Variants in GLDC observed in about 807,000 individuals in gnomAD.
The protein encoded by GLDC is glycine dehydrogenase (decarboxylating), mitochondrial.
GLDC carries 104 observed loss-of-function variants against 121.3 expected under a neutral mutation model. The ratio of observed to expected loss-of-function variants is 0.86; its 90% CI spans 0.73 to 1.01. The LOEUF (loss-of-function observed/expected upper bound fraction) is 1.01. Ranked by LOEUF, GLDC falls within the 50% of genes least tolerant of loss-of-function variation. GLDC has a pLI of 0.00. For synonymous variants in GLDC, 546 were observed against 480.6 expected (o/e 1.14, Z -1.78); for missense variants, 1,429 against 1,306.6 (o/e 1.09, Z -1.44).
At chr9:6,554,595 A>T in intron 19 of GLDC, 74 bp downstream of exon 19, 1 of 996,370 alleles carries the variant, frequency 1.0e-6, no homozygotes, top group East Asian at 2.5e-5. Flanking sequence ...CTTTGATGGG[A>T]TGAGTAGTCT....
intron 16 of GLDC, among the ~76,000 whole-genome samples, chr9:6,560,143 G>A (rs1281691041): frequency 1.3e-5 from 2 of 152,154 alleles, no homozygotes; most frequent in African/African-American, 4.8e-5. Flanking sequence ...GTGTCCCAGT[G>A]GGAAAGTAAG....
At chr9:6,627,420 T>C (rs187243377) in intron 2 of GLDC, among the ~76,000 whole-genome samples, 127 of 151,946 alleles carry the variant, frequency 8.4e-4, no homozygotes, top group African/African-American at 3.0e-3. Context: ...GATAAATATA[T>C]ACTCTAGTCT....
At chr9:6,553,886 T>G (rs570822790) in intron 19 of GLDC, among the ~76,000 whole-genome samples, 2 of 152,094 alleles carry the variant, frequency 1.3e-5, no homozygotes, top group African/African-American at 4.8e-5. Context: ...TGGGCTGACA[T>G]GAACATCATT....
At chr9:6,578,735 G>T (rs576952061) in intron 15 of GLDC, among the ~76,000 whole-genome samples, 148 of 152,084 alleles carry the variant, frequency 9.7e-4, no homozygotes, top group African/African-American at 3.5e-3. Context: ...GTCTTGCTAT[G>T]TTGCCCAGGC....
chr9:6,534,182 CAAAAAAAAAAAA>C (rs1225665276), intron 24 of GLDC: 1 of 56,468 alleles, frequency 1.8e-5, no homozygotes, highest in African/African-American at 6.3e-5. Context: ...GACTCCGTCT[CAAAAAAAAAAAA>C]AAAAAAAGAA....
At chr9:6,614,066 G>T (rs1008563891) in intron 3 of GLDC, among the ~76,000 whole-genome samples, 1 of 151,790 alleles carries the variant, frequency 6.6e-6, no homozygotes, top group South Asian at 2.1e-4. Context: ...CGTGAGTCAT[G>T]TGTAATTATC....
chr9:6,565,333 G>A lies in GLDC; in HGVS notation c.1926+21C>T, dbSNP rs547215544. The A allele has an allele frequency of 6.3e-6, 10 of 1,577,726 alleles. No homozygotes were observed. In the East Asian group the frequency reaches 6.7e-5, roughly 11 times the overall value. On this transcript the variant is annotated intron_variant, in intron 16 of 24. Coordinates refer to ENST00000321612, the MANE Select transcript of GLDC (RefSeq NM_000170.3). ...CCTCTGTGCCCCATGGTGAGCAAGC[G>A]CCACCTCCTGCCATACTCACCGTTC...
chr9:6,550,959 C>T (rs551356563), intron 20 of GLDC, 45 bp from the exon 21 acceptor site: 1 of 1,288,750 alleles, frequency 7.8e-7, no homozygotes, highest in African/African-American at 1.5e-5. Flanking sequence ...AACAGGCAAA[C>T]ACGAATGTGA....
intron 18 of GLDC, among the ~76,000 whole-genome samples, chr9:6,555,551 C>A (rs1365792040): frequency 6.6e-6 from 1 of 151,930 alleles, no homozygotes; most frequent in Admixed American, 6.6e-5. Flanking sequence ...GGTGGATTGC[C>A]TGAGCTCAGG....
At chr9:6,619,146 C>A (rs112677975) in intron 3 of GLDC, among the ~76,000 whole-genome samples, 1,387 of 60,652 alleles carry the variant, frequency 0.023, 50 homozygotes, top group African/African-American at 0.072. Flanking sequence ...CTGTCTCAGG[C>A]AAAAAAAAAA....
intron 1 of GLDC, 35 bp downstream of exon 1, chr9:6,645,209 AG>A: frequency 1.9e-6 from 3 of 1,549,980 alleles, no homozygotes; most frequent in Non-Finnish European, 1.7e-6. Flanking sequence ...GGCAGGGCGG[AG>A]GGGAGGCCGC....
chr9:6,553,260 G>C (rs749155472), intron 20 of GLDC, 108 bp downstream of exon 20: 4 of 985,996 alleles, frequency 4.1e-6, no homozygotes, highest in Non-Finnish European at 4.7e-6. Context: ...CCACATCTCA[G>C]ATCATGAATT....
intron 15 of GLDC, among the ~76,000 whole-genome samples, chr9:6,576,529 C>T (rs561552217): frequency 2.6e-5 from 4 of 152,142 alleles, no homozygotes; most frequent in Non-Finnish European, 4.4e-5. Flanking sequence ...TGCAGTGGTG[C>T]GATCTTGGCT....
rs142004524 is a variant in GLDC at position 6,533,125 on chromosome 9, C to T, written c.2955G>A (p.Thr985=). Residue 985 remains threonine (T), a synonymous_variant, in exon 25 of 25, where the codon ACG becomes ACA. Transcript: ENST00000321612. ...CATATATGTCATCAATCCGGGCAATCGTTGGCCAGAATTTGTTCTCTGGTT... is the reference window on the plus strand; with the variant it reads ...CATATATGTCATCAATCCGGGCAATTGTTGGCCAGAATTTGTTCTCTGGTT... The part of the protein sequence containing the change: ...FVKPENKFWP[T]IARIDDIYGD... 375 of 1,612,894 alleles carry T rather than the reference C, an allele frequency of 2.3e-4. 1 individual carries two copies. In the African/African-American group the frequency reaches 4.2e-3, roughly 18 times the overall value.
In GLDC at chr9:6,587,780, A is replaced by C. The variant is rs183323664; in HGVS notation, c.1708-497T>G. ...GGAGTCTGAGATCAGACTGGCAAAC[A>C]CAGCAAGACCTTGACTCTATTTTTT... On this transcript the variant is annotated intron_variant, in intron 14 of 24. Coordinates refer to ENST00000321612, the MANE Select transcript of GLDC (RefSeq NM_000170.3). 3.2e-3 allele frequency among the ~76,000 whole-genome samples: 493 copies of C among 152,336 alleles called. 3 individuals are homozygous for C. The highest frequency in any genetic ancestry group is 5.0e-3 in the Non-Finnish European group (342 of 68,024).
At chr9:6,616,800 C>A (rs1018991122) in intron 3 of GLDC, among the ~76,000 whole-genome samples, 1 of 152,114 alleles carries the variant, frequency 6.6e-6, no homozygotes, top group Non-Finnish European at 1.5e-5. Flanking sequence ...AATATTTAAC[C>A]CAAAATAATT....
At position 6,580,712 on chromosome 9, in the gene GLDC, G is replaced by A. The variant is rs368435042; in HGVS notation, c.1850+6429C>T. Among the ~76,000 whole-genome samples the A allele has an allele frequency of 5.9e-5, 9 of 152,056 alleles. No homozygotes were observed. In the East Asian group the frequency reaches 1.7e-3, roughly 29 times the overall value. ...TCAAAAGCTGGTGCCATAGTTATTG[G>A]CTTCTGTGCACATCAGGCAGCAAGC... On this transcript the variant is annotated intron_variant, in intron 15 of 24. Transcript: ENST00000321612.
At chr9:6,569,011 C>G (rs1232847835) in intron 15 of GLDC, 1 of 151,956 alleles carries the variant, frequency 6.6e-6, no homozygotes, top group African/African-American at 2.4e-5. Flanking sequence ...TTCAATAGAC[C>G]AGAAAAAGTA....
chr9:6,598,745 A>G (rs1379579185), intron 8 of GLDC, among the ~76,000 whole-genome samples: 2 of 152,262 alleles, frequency 1.3e-5, no homozygotes, highest in Non-Finnish European at 2.9e-5. Context: ...GATCATCAGA[A>G]TAAGAGGATG....
Sources: allele counts gnomAD v4.1 joint callset (sites outside exome capture counted in the v4.1 genomes callset), GRCh38; gene constraint gnomAD v4.1.1; transcripts MANE v1.5; gene names NCBI Gene and HGNC (gene_info 2026-07-23, HGNC 2026-07-21).